CDC73: variants seen among roughly 807,000 people sequenced by gnomAD.
CDC73 encodes the protein cell division cycle 73.
In CDC73, 21 loss-of-function variants were observed where a neutral mutation model predicts 83.7. The observed-to-expected ratio is 0.25, with a 90% CI of 0.18 to 0.36. CDC73 has a LOEUF of 0.36. Among genes scored for constraint, CDC73 ranks in the 10% least tolerant of loss-of-function variants. CDC73 has a pLI of 1.00. For synonymous variants in CDC73, 224 were observed against 212.9 expected (o/e 1.05, Z -0.45); for missense variants, 342 against 653.3 (o/e 0.52, Z 5.19).
intron 10 of CDC73, among the ~76,000 whole-genome samples, chr1:193,164,101 C>T (rs1676391207): frequency 6.6e-6 from 1 of 152,194 alleles, no homozygotes; most frequent in Non-Finnish European, 1.5e-5. Flanking sequence ...AACTATGCTT[C>T]ATTGTGTCAT....
intron 12 of CDC73, 83 bp downstream of exon 12, chr1:193,212,183 T>C: frequency 8.8e-7 from 1 of 1,133,626 alleles, no homozygotes; most frequent in South Asian, 1.3e-5. Flanking sequence ...CTTGTGCAGC[T>C]GTATCACATG....
chr1:193,202,478 T>A (rs559204312), intron 10 of CDC73, among the ~76,000 whole-genome samples: 1 of 152,144 alleles, frequency 6.6e-6, no homozygotes, highest in South Asian at 2.1e-4. Context: ...GTATGCTTGA[T>A]AAATTTTTAC....
rs1295682259 is a variant in CDC73 at position 193,168,668 on chromosome 1, C to T, written c.972+16224C>T. On this transcript the variant is annotated intron_variant, in intron 10 of 16. Coordinates refer to ENST00000367435, the MANE Select transcript of CDC73 (RefSeq NM_024529.5). ...CCTCCTGAGTAGCTGGGATTACAGG[C>T]GCCTGCCACCATGGCTGGCTAATTT... 4.6e-5 allele frequency among the ~76,000 whole-genome samples: 7 copies of T among 151,946 alleles called. No individual in the cohort carries two copies. In the South Asian group the frequency reaches 6.2e-4, roughly 14 times the overall value.
chr1:193,158,494 T>G (rs2103138245), intron 10 of CDC73, among the ~76,000 whole-genome samples: 2 of 104,264 alleles, frequency 1.9e-5, no homozygotes, highest in East Asian at 4.6e-4. Context: ...AGACCCTGTC[T>G]CTAAAAATAA....
At chr1:193,219,135 A>G (rs1048035166) in intron 13 of CDC73, among the ~76,000 whole-genome samples, 1 of 152,222 alleles carries the variant, frequency 6.6e-6, no homozygotes, top group Admixed American at 6.5e-5. Context: ...TAGGAAAGAA[A>G]TGTTTAACAT....
At chr1:193,246,758 A>C (rs1677961603) in intron 15 of CDC73, among the ~76,000 whole-genome samples, 2 of 152,140 alleles carry the variant, frequency 1.3e-5, no homozygotes, top group South Asian at 4.1e-4. Context: ...TTCTCTACTA[A>C]ATACTTTGCA....
intron 15 of CDC73, among the ~76,000 whole-genome samples, chr1:193,240,918 G>A (rs1295245565): frequency 4.6e-5 from 7 of 152,158 alleles, no homozygotes; most frequent in Non-Finnish European, 1.5e-5. Flanking sequence ...GTGTCCTGAA[G>A]CAGTTCTCCA....
chr1:193,252,267 A>G lies in CDC73; in HGVS notation c.*1555A>G, dbSNP rs1219032726. The G allele has an allele frequency of 8.7e-6, 2 of 230,840 alleles. No homozygotes were observed. Among genetic ancestry groups the G allele is most frequent in the Non-Finnish European group, 1.7e-5 (2 of 116,514 alleles). 14.3% of individuals were successfully genotyped at this position (230,840 alleles called of 1,614,324 possible). On this transcript the variant is annotated 3_prime_UTR_variant, in exon 17 of 17. Transcript: ENST00000367435. ...TTTTTAGCGTCTTCTTTCCTTAAAG[A>G]TAAAAGAAAACTCAAATTTGTTTAC...
At chr1:193,160,902 G>A (rs1676297203) in intron 10 of CDC73, among the ~76,000 whole-genome samples, 1 of 151,998 alleles carries the variant, frequency 6.6e-6, no homozygotes, top group Non-Finnish European at 1.5e-5. Context: ...CTGAACATTA[G>A]TTTGTTGGAT....
At chr1:193,246,223 A>G (rs889827387) in intron 15 of CDC73, among the ~76,000 whole-genome samples, 6 of 151,824 alleles carry the variant, frequency 4.0e-5, no homozygotes, top group African/African-American at 7.3e-5. Context: ...TGTTTTCTCT[A>G]TGTTTTCTTC....
At chr1:193,162,546 G>A (rs1027105009) in intron 10 of CDC73, among the ~76,000 whole-genome samples, 1 of 151,106 alleles carries the variant, frequency 6.6e-6, no homozygotes, top group African/African-American at 2.4e-5. Flanking sequence ...GCAATTTTTT[G>A]TATTTTTAGT....
chr1:193,126,981 A>G (rs1234852198), intron 2 of CDC73, among the ~76,000 whole-genome samples: 1 of 152,100 alleles, frequency 6.6e-6, no homozygotes, highest in Admixed American at 6.5e-5. Flanking sequence ...AAGCAACTAA[A>G]AGCCAGGTGT....
At chr1:193,230,789 C>T (rs1180366501) in intron 13 of CDC73, among the ~76,000 whole-genome samples, 1 of 152,080 alleles carries the variant, frequency 6.6e-6, no homozygotes, top group Admixed American at 6.6e-5. Flanking sequence ...TATATTGACT[C>T]TGTGGAATAC....
At chr1:193,236,060 CATT>C (rs747929540) in intron 14 of CDC73, among the ~76,000 whole-genome samples, 193 bp from the exon 15 acceptor site, 2 of 152,264 alleles carry the variant, frequency 1.3e-5, no homozygotes, top group East Asian at 3.9e-4. Flanking sequence ...GTATAGCAAT[CATT>C]AATACATTCT....
At chr1:193,187,990 G>C (rs1482313333) in intron 10 of CDC73, among the ~76,000 whole-genome samples, 1 of 152,092 alleles carries the variant, frequency 6.6e-6, no homozygotes, top group Admixed American at 6.5e-5. Flanking sequence ...TTTAAAATTA[G>C]TTTACTAGTT....
chr1:193,136,902 T>C (rs1174014186), intron 5 of CDC73, among the ~76,000 whole-genome samples: 3 of 152,250 alleles, frequency 2.0e-5, no homozygotes, highest in Non-Finnish European at 4.4e-5. Flanking sequence ...AGTCTAATTA[T>C]TTGAAAAAAT....
chr1:193,197,452 C>T (rs765606631), intron 10 of CDC73, among the ~76,000 whole-genome samples: 16 of 152,140 alleles, frequency 1.1e-4, no homozygotes, highest in Non-Finnish European at 2.2e-4. Context: ...GACAGAAACA[C>T]ATATGCATAT....
chr1:193,161,636 T>TAG lies in CDC73; in HGVS notation c.972+9193_972+9194insGA, dbSNP rs1309085725. 4.9e-5 allele frequency among the ~76,000 whole-genome samples: 5 copies of TAG among 101,030 alleles called. 1 individual carries two copies. The East Asian group carries it at 7.2e-4, about 15-fold the overall frequency. The allele number at this position is 101,030 out of a possible 152,430, so 66.3% of individuals were successfully genotyped here. On this transcript the variant is annotated intron_variant, in intron 10 of 16. Transcript: ENST00000367435. Reference sequence around the variant, plus strand: ...TATATATTATATGATAGATATATAATATATTATATAATATATAATATATTA... The same window carrying TAG: ...TATATATTATATGATAGATATATAATAGATATTATATAATATATAATATATTA...
chr1:193,220,353 G>T (rs779353226), intron 13 of CDC73, among the ~76,000 whole-genome samples: 2 of 151,598 alleles, frequency 1.3e-5, no homozygotes, highest in Non-Finnish European at 2.9e-5. Flanking sequence ...TAGTAGAGAC[G>T]GGGTTTCACC....
Sources: allele counts gnomAD v4.1 joint callset (sites outside exome capture counted in the v4.1 genomes callset), GRCh38; gene constraint gnomAD v4.1.1; transcripts MANE v1.5; gene names NCBI Gene and HGNC (gene_info 2026-07-23, HGNC 2026-07-21).